MAD1L1: variants seen among roughly 807,000 people sequenced by gnomAD.
MAD1L1 encodes mitotic spindle assembly checkpoint protein MAD1.
In MAD1L1, 95 loss-of-function variants were observed where a neutral mutation model predicts 96.9. The observed-to-expected ratio is 0.98, with a 90% CI of 0.83 to 1.16. MAD1L1 has a LOEUF of 1.16. Ranked by LOEUF, MAD1L1 falls within the 50% of genes most tolerant of loss-of-function variation. The pLI is 0.00. For synonymous variants in MAD1L1, 473 were observed against 396.6 expected (o/e 1.19, Z -2.29); for missense variants, 1,007 against 954.4 (o/e 1.06, Z -0.73).
intron 18 of MAD1L1, among the ~76,000 whole-genome samples, chr7:1,888,872 G>A (rs534183119): frequency 2.0e-5 from 3 of 152,328 alleles, no homozygotes; most frequent in East Asian, 1.9e-4. Flanking sequence ...ATGCCAGTGC[G>A]AGGGCAGGGC....
At chr7:2,129,074 T>C (rs1162161158) in intron 11 of MAD1L1, among the ~76,000 whole-genome samples, 1 of 152,136 alleles carries the variant, frequency 6.6e-6, no homozygotes, top group Non-Finnish European at 1.5e-5. Context: ...ATTGGGTTTG[T>C]GGGCAGGCAG....
chr7:1,851,350 G>A (rs1404723970), intron 18 of MAD1L1, among the ~76,000 whole-genome samples: 2 of 152,224 alleles, frequency 1.3e-5, no homozygotes, highest in Admixed American at 6.5e-5. Context: ...GTGTCTGCAC[G>A]TTCGTCCTGG....
chr7:1,920,283 G>A (rs898710554), intron 17 of MAD1L1, among the ~76,000 whole-genome samples: 6 of 152,182 alleles, frequency 3.9e-5, no homozygotes, highest in African/African-American at 1.4e-4. Flanking sequence ...CACATTCTAC[G>A]AGTTCTGTGT....
At chr7:2,165,477 G>A (rs1006922897) in intron 10 of MAD1L1, among the ~76,000 whole-genome samples, 1 of 136,978 alleles carries the variant, frequency 7.3e-6, no homozygotes, top group Non-Finnish European at 1.6e-5. Context: ...TCTGGGATGC[G>A]AGCCACCATG....
At chr7:2,200,988 T>G (rs1792263295) in intron 10 of MAD1L1, among the ~76,000 whole-genome samples, 1 of 142,124 alleles carries the variant, frequency 7.0e-6, no homozygotes, top group South Asian at 2.5e-4. Flanking sequence ...GCAGGGTAGG[T>G]GGAGGGCGGG....
chr7:2,178,291 A>G (rs1412571502), intron 10 of MAD1L1, among the ~76,000 whole-genome samples: 1 of 152,222 alleles, frequency 6.6e-6, no homozygotes, highest in Non-Finnish European at 1.5e-5. Context: ...AGTAGGTTCA[A>G]TAAGAACCTT....
intron 18 of MAD1L1, among the ~76,000 whole-genome samples, chr7:1,852,208 C>T (rs1343579789): frequency 6.6e-6 from 1 of 152,214 alleles, no homozygotes; most frequent in East Asian, 1.9e-4. Flanking sequence ...CAGCACTGGG[C>T]GAGGATCCTG....
intron 18 of MAD1L1, among the ~76,000 whole-genome samples, chr7:1,830,350 T>C (rs1782644777): frequency 6.6e-6 from 1 of 152,116 alleles, no homozygotes; most frequent in African/African-American, 2.4e-5. Context: ...TGAGCCGAGA[T>C]CGTGCCACTG....
Position 2,222,588 on chromosome 7 carries a change from G to T in MAD1L1, c.458C>A (p.Ala153Asp). 1 of 1,607,586 alleles carries T rather than the reference G, an allele frequency of 6.2e-7. No individual in the cohort carries two copies. The highest frequency in any genetic ancestry group is 1.7e-5 in the Admixed American group (1 of 59,572). ...KRLREKEDSLAQAGETINALK... is the reference protein window; with the variant it reads ...KRLREKEDSLDQAGETINALK... Reference sequence around the variant, plus strand: ...GGCCCCGCTCACCTCGCCAGCCTGGGCCAGACTGTCCTCTTTCTCACGCAG... The same window carrying T: ...GGCCCCGCTCACCTCGCCAGCCTGGTCCAGACTGTCCTCTTTCTCACGCAG... The change falls in exon 5 of 19, where the codon GCC (alanine) becomes GAC (aspartate). Residue 153 changes from alanine to aspartate, a missense_variant. Transcript: ENST00000265854.
At position 1,884,529 on chromosome 7, in the gene MAD1L1, C is replaced by T. The variant is rs367639063; in HGVS notation, c.1998+13671G>A. 3.9e-5 allele frequency among the ~76,000 whole-genome samples: 6 copies of T among 152,218 alleles called. No individual in the cohort carries two copies. In the East Asian group the frequency reaches 7.7e-4, roughly 20 times the overall value. ...CCTGAGGCCGTCCTGCTGACCTTCC[C>T]TCAGCCCAAACTCCCATTGCATCTT... is the stretch of plus-strand genomic sequence containing the variant. On this transcript the variant is annotated intron_variant, in intron 18 of 18. Coordinates refer to ENST00000265854, the MANE Select transcript of MAD1L1 (RefSeq NM_001013836.2).
chr7:2,063,199 C>T (rs1164929466), intron 12 of MAD1L1, among the ~76,000 whole-genome samples: 1 of 152,210 alleles, frequency 6.6e-6, no homozygotes. Flanking sequence ...ATGTGTTTCA[C>T]GAGAACAGTG....
intron 10 of MAD1L1, among the ~76,000 whole-genome samples, chr7:2,162,809 C>T (rs1790228903): frequency 7.3e-6 from 1 of 137,712 alleles, no homozygotes; most frequent in South Asian, 2.2e-4. Context: ...CAGAAAAACA[C>T]ACAATTATCT....
Position 1,980,548 on chromosome 7 carries a change from G to C in MAD1L1, c.1417-7C>G. The C allele has an allele frequency of 1.2e-6, 2 of 1,608,324 alleles. No individual in the cohort carries two copies. Among genetic ancestry groups the C allele is most frequent in the Non-Finnish European group, 1.7e-6 (2 of 1,177,060 alleles). On this transcript the variant is annotated splice_polypyrimidine_tract_variant and splice_region_variant and intron_variant, in intron 14 of 18. Coordinates refer to ENST00000265854, the MANE Select transcript of MAD1L1 (RefSeq NM_001013836.2). ...TCTTCAGCTCCATCTCCAGCTAGGA[G>C]AAAGCAAAGGATAGAGGGTCAGCAG...
intron 17 of MAD1L1, among the ~76,000 whole-genome samples, chr7:1,913,324 A>C (rs1788138916): frequency 6.7e-6 from 1 of 149,292 alleles, no homozygotes; most frequent in South Asian, 2.2e-4. Flanking sequence ...AGGACCCCTG[A>C]GTGCTGAGGA....
intron 11 of MAD1L1, among the ~76,000 whole-genome samples, chr7:2,133,934 C>G (rs1028005258): frequency 1.3e-5 from 2 of 152,212 alleles, no homozygotes; most frequent in African/African-American, 4.8e-5. Context: ...ACCTTGATCA[C>G]TGTGGTTTTA....
chr7:1,992,478 G>A (rs996154259), intron 14 of MAD1L1, among the ~76,000 whole-genome samples: 2 of 152,006 alleles, frequency 1.3e-5, no homozygotes, highest in Non-Finnish European at 1.5e-5. Context: ...AGCCTCAAGC[G>A]CTTTGTGGAG....
chr7:1,933,335 C>G (rs1789589075), intron 17 of MAD1L1, among the ~76,000 whole-genome samples: 2 of 152,188 alleles, frequency 1.3e-5, no homozygotes, highest in South Asian at 4.1e-4. Context: ...TCCTTCTGGG[C>G]TGCTCGGATA....
At chr7:2,118,919 GTC>G (rs1562705115) in intron 11 of MAD1L1, among the ~76,000 whole-genome samples, 1 of 152,122 alleles carries the variant, frequency 6.6e-6, no homozygotes, top group Admixed American at 6.5e-5. Context: ...TGTGCCTCCC[GTC>G]TCTCTCCTTG....
chr7:1,900,528 C>T (rs910703131), intron 17 of MAD1L1, among the ~76,000 whole-genome samples: 13 of 152,176 alleles, frequency 8.5e-5, no homozygotes, highest in Non-Finnish European at 1.5e-4. Context: ...CTTGATGAAT[C>T]GAGCAATCAG....
Sources: gnomAD v4.1 joint callset for allele counts (sites outside exome capture counted in the v4.1 genomes callset) on GRCh38, gnomAD v4.1.1 for gene constraint, MANE v1.5 for transcripts, NCBI Gene and HGNC (gene_info 2026-07-23, HGNC 2026-07-21) for gene names.